The following CWF19L2 variants were observed in gnomAD, a reference collection of about 807,000 sequenced individuals.
The protein encoded by CWF19L2 is CWF19 like cell cycle control factor 2.
In CWF19L2, 98 loss-of-function variants were observed where a neutral mutation model predicts 111.7. That is an observed-to-expected ratio of 0.88 (90% CI 0.75 to 1.04). The LOEUF (loss-of-function observed/expected upper bound fraction) is 1.04, where lower values mean the gene tolerates loss of function less well. Ranked by LOEUF, CWF19L2 falls within the 50% of genes least tolerant of loss-of-function variation. The probability of loss-of-function intolerance (pLI) is 0.00; values close to 1 mark genes in which losing one functional copy is unlikely to be tolerated. For synonymous variants in CWF19L2, 351 were observed against 342.9 expected (o/e 1.02, Z -0.26); for missense variants, 1,101 against 1,051.4 (o/e 1.05, Z -0.65).
intron 14 of CWF19L2, among the ~76,000 whole-genome samples, chr11:107,339,729 G>A (rs752723617): frequency 7.5e-5 from 11 of 145,908 alleles, no homozygotes; most frequent in Admixed American, 3.5e-4. Context: ...GCAGTGGTGC[G>A]ATCTCAACTC....
At chr11:107,448,016 T>C (rs763854342) in intron 3 of CWF19L2, among the ~76,000 whole-genome samples, 14 of 151,794 alleles carry the variant, frequency 9.2e-5, no homozygotes, top group Admixed American at 4.6e-4. Flanking sequence ...AAAATGTCAC[T>C]GGATAGGGAT....
intron 10 of CWF19L2, among the ~76,000 whole-genome samples, chr11:107,415,884 G>C (rs11212214): frequency 6.6e-6 from 1 of 152,016 alleles, no homozygotes; most frequent in Non-Finnish European, 1.5e-5. Flanking sequence ...GATCATTTGA[G>C]GTCAGGAGTT....
At chr11:107,370,549 G>A (rs1422694513) in intron 12 of CWF19L2, among the ~76,000 whole-genome samples, 16 of 119,916 alleles carry the variant, frequency 1.3e-4, no homozygotes, top group Admixed American at 1.6e-4. Context: ...TTCTTCAAGG[G>A]AAAAAAAAAA....
chr11:107,425,078 T>C (rs1025152074), intron 8 of CWF19L2, among the ~76,000 whole-genome samples: 1 of 151,644 alleles, frequency 6.6e-6, no homozygotes, highest in South Asian at 2.1e-4. Flanking sequence ...AGCCCAAACA[T>C]GTCTCAATTT....
At chr11:107,339,568 TA>T (rs1242675696) in intron 14 of CWF19L2, among the ~76,000 whole-genome samples, 1 of 152,090 alleles carries the variant, frequency 6.6e-6, no homozygotes. Context: ...TGCATTTTCC[TA>T]AGGGCCAATG....
chr11:107,363,320 G>T (rs1860387458), intron 12 of CWF19L2, among the ~76,000 whole-genome samples: 1 of 152,104 alleles, frequency 6.6e-6, no homozygotes, highest in Admixed American at 6.6e-5. Flanking sequence ...GAAGTACAGA[G>T]AATGCCACAA....
At chr11:107,399,657 A>G (rs1860972798) in intron 10 of CWF19L2, among the ~76,000 whole-genome samples, 1 of 152,216 alleles carries the variant, frequency 6.6e-6, no homozygotes, top group African/African-American at 2.4e-5. Flanking sequence ...TAGATAGGTC[A>G]TCAAGACAGA....
chr11:107,455,696 A>G lies in CWF19L2; in HGVS notation c.186T>C (p.Asp62=), dbSNP rs1861843754. ...LRGEDTWMLP[D]VNERIEQFSQ... ...AGAACTGTTCAATTCTCTCATTCAC[A>G]TCAGGTAGCATCCATGTATCCTCAC... is the stretch of plus-strand genomic sequence containing the variant. The change falls in exon 2 of 18, where the codon GAT becomes GAC. Residue 62 remains aspartate, a synonymous_variant. Coordinates refer to ENST00000282251, the MANE Select transcript of CWF19L2 (RefSeq NM_152434.3). 6.4e-7 allele frequency: 1 copy of G among 1,550,506 alleles called. No homozygotes were observed. The highest frequency in any genetic ancestry group is 8.7e-7 in the Non-Finnish European group (1 of 1,146,214).
At chr11:107,413,509 A>T (rs547768776) in intron 10 of CWF19L2, among the ~76,000 whole-genome samples, 9 of 152,222 alleles carry the variant, frequency 5.9e-5, no homozygotes. Context: ...CTGCAGGAAG[A>T]TCTGGTACTA....
chr11:107,392,287 G>C (rs1215796988), intron 11 of CWF19L2, among the ~76,000 whole-genome samples: 4 of 152,168 alleles, frequency 2.6e-5, no homozygotes, highest in Admixed American at 1.3e-4. Flanking sequence ...GTTTTTGCCA[G>C]CTCAAGAGCC....
chr11:107,369,694 TA>T lies in CWF19L2; in HGVS notation c.1873-15959del, dbSNP rs1160912344. Among the ~76,000 whole-genome samples the T allele has an allele frequency of 2.9e-5, 4 of 138,200 alleles. 2 individuals are homozygous for T. Among genetic ancestry groups the T allele is most frequent in the Non-Finnish European group, 6.2e-5 (4 of 64,308 alleles). The allele number at this position is 138,200 out of a possible 152,430, so 90.7% of individuals were successfully genotyped here. ...ACATTTTCAAAATTACTTTAAGATT[TA>T]AAACCCAACCAAAGAAAATGATTCC... On this transcript the variant is annotated intron_variant, in intron 12 of 17. Coordinates refer to ENST00000282251, the MANE Select transcript of CWF19L2 (RefSeq NM_152434.3).
At chr11:107,404,568 C>T in intron 10 of CWF19L2, 1 of 642,250 alleles carries the variant, frequency 1.6e-6, no homozygotes, top group Non-Finnish European at 2.9e-6. Context: ...GGAGGTGGGG[C>T]ATAAGATGGT....
intron 12 of CWF19L2, among the ~76,000 whole-genome samples, chr11:107,379,646 C>A (rs1193910895): frequency 6.6e-6 from 1 of 152,230 alleles, no homozygotes; most frequent in Non-Finnish European, 1.5e-5. Flanking sequence ...TCATAACCTA[C>A]ATTTTAAACA....
At position 107,335,014 on chromosome 11, in the gene CWF19L2, G is replaced by T. The variant is rs1859902026; in HGVS notation, c.2359-53C>A. 7 of 1,120,050 alleles carry T rather than the reference G, an allele frequency of 6.2e-6. No individual in the cohort carries two copies. In the Admixed American group the frequency reaches 1.2e-4, roughly 20 times the overall value. The allele number at this position is 1,120,050 out of a possible 1,614,324, so 69.4% of individuals were successfully genotyped here. ...AAAAGAACATGTAAGTAAATAAAAAGAAACAGCTTATAACAAGTAATATAG... is the reference window on the plus strand; with the variant it reads ...AAAAGAACATGTAAGTAAATAAAAATAAACAGCTTATAACAAGTAATATAG... On this transcript the variant is annotated intron_variant, in intron 15 of 17. Coordinates refer to ENST00000282251, the MANE Select transcript of CWF19L2 (RefSeq NM_152434.3).
At chr11:107,405,824 G>C (rs1033969396) in intron 10 of CWF19L2, among the ~76,000 whole-genome samples, 1 of 102,646 alleles carries the variant, frequency 9.7e-6, no homozygotes, top group African/African-American at 4.5e-5. Flanking sequence ...AACTAGCAAA[G>C]AATATGAAGC....
In CWF19L2 at chr11:107,391,275, T is replaced by C. The variant is rs12276169; in HGVS notation, c.1735-1064A>G. 4.3e-3 allele frequency among the ~76,000 whole-genome samples: 661 copies of C among 152,306 alleles called. 3 individuals carry two copies. The highest frequency in any genetic ancestry group is 0.014 in the African/African-American group (588 of 41,544). On this transcript the variant is annotated intron_variant, in intron 11 of 17. Transcript: ENST00000282251. ...ATTCTGTCCCTCTAGGGAACCCTAA[T>C]ACAGTACCTCTATTAAAAGACATGA... is the stretch of plus-strand genomic sequence containing the variant.
At chr11:107,378,668 G>A (rs1860633531) in intron 12 of CWF19L2, among the ~76,000 whole-genome samples, 2 of 152,158 alleles carry the variant, frequency 1.3e-5, no homozygotes, top group African/African-American at 4.8e-5. Flanking sequence ...CCTAATGCTA[G>A]ATGACGAGTT....
chr11:107,345,413 C>A (rs932632505), intron 14 of CWF19L2: 1 of 406,678 alleles, frequency 2.5e-6, no homozygotes, highest in East Asian at 8.1e-5. Flanking sequence ...CCGAAAATTA[C>A]CTCACAAACA....
chr11:107,406,422 TC>T (rs1338885119), intron 10 of CWF19L2, among the ~76,000 whole-genome samples: 3 of 152,196 alleles, frequency 2.0e-5, no homozygotes, highest in Non-Finnish European at 4.4e-5. Context: ...CACAAGTTGT[TC>T]CCTACACACA....
Sources: allele counts gnomAD v4.1 joint callset (sites outside exome capture counted in the v4.1 genomes callset), GRCh38; gene constraint gnomAD v4.1.1; transcripts MANE v1.5; gene names NCBI Gene and HGNC (gene_info 2026-07-23, HGNC 2026-07-21).